L2HGDH: variants seen among roughly 807,000 people sequenced by gnomAD.
The protein encoded by L2HGDH is L-2-hydroxyglutarate dehydrogenase.
A neutral mutation model predicts 51.5 loss-of-function variants in L2HGDH; 34 were observed. The ratio of observed to expected loss-of-function variants is 0.66; its 90% CI spans 0.50 to 0.88. The LOEUF (loss-of-function observed/expected upper bound fraction) is 0.88. Ranked by LOEUF, L2HGDH falls within the 40% of genes least tolerant of loss-of-function variation. L2HGDH has a pLI of 0.00. For synonymous variants in L2HGDH, 198 were observed against 197.9 expected (o/e 1.00, Z -0.01); for missense variants, 558 against 571.9 (o/e 0.98, Z 0.25).
chr14:50,290,089 C>A (rs1890789510), intron 4 of L2HGDH, among the ~76,000 whole-genome samples: 2 of 151,896 alleles, frequency 1.3e-5, no homozygotes, highest in Admixed American at 6.6e-5. Flanking sequence ...CAAGGTGAAA[C>A]CCTGTCTCTA....
intron 6 of L2HGDH, 127 bp downstream of exon 6, chr14:50,278,393 A>C (rs1890086496): frequency 3.2e-6 from 2 of 631,490 alleles, no homozygotes; most frequent in South Asian, 3.9e-5. Context: ...CCCTAAAAGA[A>C]ATTCTCTCAG....
At chr14:50,283,744 C>T (rs1415985579) in intron 5 of L2HGDH, 127 bp downstream of exon 5, 6 of 728,104 alleles carry the variant, frequency 8.2e-6, no homozygotes, top group African/African-American at 3.6e-5. Context: ...ATGTATTATT[C>T]TACTATTATT....
intron 4 of L2HGDH, among the ~76,000 whole-genome samples, chr14:50,291,434 T>G (rs774798784): frequency 6.6e-6 from 1 of 151,966 alleles, no homozygotes; most frequent in African/African-American, 2.4e-5. Context: ...TAAGAAATAT[T>G]TGAGGAGAGA....
chr14:50,261,296 C>T (rs1050945422), intron 9 of L2HGDH, among the ~76,000 whole-genome samples: 3 of 152,184 alleles, frequency 2.0e-5, no homozygotes, highest in Non-Finnish European at 4.4e-5. Flanking sequence ...CTAGTTATCA[C>T]TTGCTATGAA....
At chr14:50,265,914 A>G (rs1566511320) in intron 8 of L2HGDH, among the ~76,000 whole-genome samples, 1 of 152,160 alleles carries the variant, frequency 6.6e-6, no homozygotes, top group Non-Finnish European at 1.5e-5. Context: ...ACCCTCTCTC[A>G]ATCAACCAAT....
chr14:50,312,187 AAGCCACT>A lies in L2HGDH; in HGVS notation c.-44_-38del, dbSNP rs1169298402. ...GCTCCCCTCCCTCAGCGCTCAGAAGAAGCCACTTGACCCTCCACGGCCGAGGACCCGC... is the reference window on the plus strand; with the variant it reads ...GCTCCCCTCCCTCAGCGCTCAGAAGATGACCCTCCACGGCCGAGGACCCGC... On this transcript the variant is annotated 5_prime_UTR_variant, in exon 1 of 10. Coordinates refer to ENST00000267436, the MANE Select transcript of L2HGDH (RefSeq NM_024884.3). 1.2e-6 allele frequency: 2 copies of A among 1,605,988 alleles called. No individual in the cohort carries two copies. The highest frequency in any genetic ancestry group is 1.7e-6 in the Non-Finnish European group (2 of 1,178,620).
At chr14:50,274,485 T>C (rs1035836002) in intron 6 of L2HGDH, among the ~76,000 whole-genome samples, 2 of 152,132 alleles carry the variant, frequency 1.3e-5, no homozygotes, top group South Asian at 2.1e-4. Flanking sequence ...GGTGAGGATG[T>C]AGAATGCCCT....
intron 5 of L2HGDH, among the ~76,000 whole-genome samples, chr14:50,279,473 A>G (rs529464837): frequency 7.2e-4 from 110 of 152,266 alleles, no homozygotes; most frequent in African/African-American, 2.6e-3. Context: ...GGATGTGTCT[A>G]AGAATCACTA....
chr14:50,278,421 G>A, intron 6 of L2HGDH, 99 bp downstream of exon 6: 1 of 734,732 alleles, frequency 1.4e-6, no homozygotes, highest in Non-Finnish European at 2.3e-6. Flanking sequence ...TTAGACAAAT[G>A]TCATTCAATA....
intron 5 of L2HGDH, 79 bp downstream of exon 5, chr14:50,283,792 G>T: frequency 8.4e-7 from 1 of 1,186,956 alleles, no homozygotes; most frequent in Non-Finnish European, 1.2e-6. Context: ...TTCATCCTCA[G>T]TTGGTTAAAA....
At chr14:50,260,732 G>C (rs1254176659) in intron 9 of L2HGDH, among the ~76,000 whole-genome samples, 2 of 152,114 alleles carry the variant, frequency 1.3e-5, no homozygotes, top group Non-Finnish European at 2.9e-5. Context: ...AACCAAAGGA[G>C]ATTTTGCCCC....
Position 50,243,150 on chromosome 14 carries a change from C to T in L2HGDH, c.*3908G>A, listed in dbSNP as rs765118130. On this transcript the variant is annotated 3_prime_UTR_variant, in exon 10 of 10. Transcript: ENST00000267436. ...GGCAACTCCCCAAACAGTGCTAATG[C>T]TGAGAGGATCAAGGGAAGGACTTTG... 7.1e-5 allele frequency: 70 copies of T among 985,250 alleles called. No individual in the cohort carries two copies. The highest frequency in any genetic ancestry group is 7.6e-5 in the Non-Finnish European group (63 of 829,934). The allele number at this position is 985,250 out of a possible 1,614,324, so 61.0% of individuals were successfully genotyped here. A position where few individuals can be genotyped will look rare whatever the true frequency, so the allele number is the denominator to read the frequency against.
At chr14:50,277,353 G>A (rs560028767) in intron 6 of L2HGDH, among the ~76,000 whole-genome samples, 1 of 152,084 alleles carries the variant, frequency 6.6e-6, no homozygotes, top group East Asian at 1.9e-4. Context: ...CAGATGTCAG[G>A]TTGACAAAGG....
At chr14:50,289,541 A>G (rs547049524) in intron 4 of L2HGDH, among the ~76,000 whole-genome samples, 1 of 152,318 alleles carries the variant, frequency 6.6e-6, no homozygotes, top group East Asian at 1.9e-4. Flanking sequence ...TCATTCATAG[A>G]TTTAGAAAGA....
At chr14:50,287,860 G>A (rs1052973770) in intron 4 of L2HGDH, among the ~76,000 whole-genome samples, 4 of 151,638 alleles carry the variant, frequency 2.6e-5, no homozygotes, top group Non-Finnish European at 5.9e-5. Flanking sequence ...AACACGCCTG[G>A]CTATTTTTTG....
intron 9 of L2HGDH, among the ~76,000 whole-genome samples, chr14:50,253,356 A>G (rs752560671): frequency 1.3e-5 from 2 of 152,128 alleles, no homozygotes; most frequent in African/African-American, 4.8e-5. Context: ...TAATAATCCA[A>G]TTTTAAAAGG....
At chr14:50,259,963 G>A (rs1032875164) in intron 9 of L2HGDH, among the ~76,000 whole-genome samples, 4 of 147,740 alleles carry the variant, frequency 2.7e-5, no homozygotes, top group Non-Finnish European at 5.9e-5. Flanking sequence ...GAGGGAGGGA[G>A]AAAGAAGGAG....
intron 3 of L2HGDH, among the ~76,000 whole-genome samples, chr14:50,299,561 C>A (rs763700216): frequency 8.5e-5 from 13 of 152,090 alleles, no homozygotes; most frequent in Non-Finnish European, 1.3e-4. Context: ...GAACACTATA[C>A]AAAAATCCTT....
chr14:50,295,745 CTTTTT>C (rs58353838), intron 3 of L2HGDH, among the ~76,000 whole-genome samples: 1 of 131,498 alleles, frequency 7.6e-6, no homozygotes, highest in East Asian at 2.2e-4. Flanking sequence ...TTCATAGCAT[CTTTTT>C]TTTTTTTTTT....
Sources: gnomAD v4.1 joint callset for allele counts (sites outside exome capture counted in the v4.1 genomes callset) on GRCh38, gnomAD v4.1.1 for gene constraint, MANE v1.5 for transcripts, NCBI Gene and HGNC (gene_info 2026-07-23, HGNC 2026-07-21) for gene names.